The following LRMDA variants were observed in gnomAD, a reference collection of about 807,000 sequenced individuals.
LRMDA encodes the protein leucine rich melanocyte differentiation associated.
A neutral mutation model predicts 29.8 loss-of-function variants in LRMDA; 18 were observed. That is an observed-to-expected ratio of 0.60 (90% CI 0.42 to 0.90). The LOEUF (loss-of-function observed/expected upper bound fraction) is 0.90. LRMDA is among the 40% of genes least tolerant of loss of function. The pLI, the probability that LRMDA is intolerant of heterozygous loss-of-function variation, is 0.00. For synonymous variants in LRMDA, 125 were observed against 109.4 expected (o/e 1.14, Z -0.89); for missense variants, 273 against 273.9 (o/e 1.00, Z 0.02).
At chr10:76,156,589 C>T (rs1410330850) in intron 5 of LRMDA, among the ~76,000 whole-genome samples, 1 of 151,990 alleles carries the variant, frequency 6.6e-6, no homozygotes, top group Non-Finnish European at 1.5e-5. Context: ...GCTTAACCAA[C>T]ATTCACAGAC....
chr10:76,198,349 T>TG (rs1288038832), intron 5 of LRMDA, among the ~76,000 whole-genome samples: 1 of 152,244 alleles, frequency 6.6e-6, no homozygotes, highest in East Asian at 1.9e-4. Context: ...AGAAGGCCAG[T>TG]GGGCCGCACT....
intron 2 of LRMDA, among the ~76,000 whole-genome samples, chr10:75,937,028 G>A (rs1203459073): frequency 6.6e-6 from 1 of 151,986 alleles, no homozygotes; most frequent in African/African-American, 2.4e-5. Context: ...TGTTTACTGG[G>A]TAAAAATGAT....
chr10:76,072,103 T>C (rs1343377070), intron 5 of LRMDA, among the ~76,000 whole-genome samples: 4 of 152,222 alleles, frequency 2.6e-5, no homozygotes, highest in Non-Finnish European at 5.9e-5. Context: ...ATGTAATAAA[T>C]ACTTACAGCA....
chr10:75,960,986 C>G (rs1846755167), intron 2 of LRMDA, among the ~76,000 whole-genome samples: 1 of 152,132 alleles, frequency 6.6e-6, no homozygotes, highest in South Asian at 2.1e-4. Context: ...ATCCTAGGGA[C>G]AGATTTGTCA....
intron 2 of LRMDA, among the ~76,000 whole-genome samples, chr10:75,662,362 G>A (rs1841765186): frequency 1.3e-5 from 2 of 152,118 alleles, no homozygotes; most frequent in Non-Finnish European, 2.9e-5. Flanking sequence ...TACAGGTTTC[G>A]TTATTGGTAA....
chr10:76,022,358 G>A (rs893691815), intron 2 of LRMDA, among the ~76,000 whole-genome samples: 1 of 152,182 alleles, frequency 6.6e-6, no homozygotes, highest in Non-Finnish European at 1.5e-5. Context: ...TTGACTCATG[G>A]GCACAGCTAG....
At chr10:75,656,632 G>C (rs529616725) in intron 2 of LRMDA, among the ~76,000 whole-genome samples, 1 of 152,084 alleles carries the variant, frequency 6.6e-6, no homozygotes, top group Non-Finnish European at 1.5e-5. Context: ...ATGCCCTGCC[G>C]TTCATTTCCT....
chr10:75,791,582 A>C (rs911412778), intron 2 of LRMDA, among the ~76,000 whole-genome samples: 1 of 152,214 alleles, frequency 6.6e-6, no homozygotes, highest in Non-Finnish European at 1.5e-5. Context: ...CTCCACAGAA[A>C]AGTCAAATTC....
chr10:75,498,873 C>T (rs901898852), intron 2 of LRMDA, among the ~76,000 whole-genome samples: 1 of 152,088 alleles, frequency 6.6e-6, no homozygotes, highest in Admixed American at 6.5e-5. Context: ...CACGAATCCT[C>T]TCCGTCTCAG....
chr10:75,924,150 T>C (rs1383301117), intron 2 of LRMDA, among the ~76,000 whole-genome samples: 2 of 152,226 alleles, frequency 1.3e-5, no homozygotes, highest in Non-Finnish European at 2.9e-5. Context: ...AAGATTCAGC[T>C]TGACTTCAGA....
chr10:75,491,937 AC>A (rs1300597042), intron 2 of LRMDA, among the ~76,000 whole-genome samples: 1 of 152,232 alleles, frequency 6.6e-6, no homozygotes, highest in Admixed American at 6.5e-5. Flanking sequence ...TGATATCCTT[AC>A]TATATAAACA....
intron 5 of LRMDA, among the ~76,000 whole-genome samples, chr10:76,111,091 T>A (rs1443888032): frequency 6.6e-6 from 1 of 152,180 alleles, no homozygotes; most frequent in Non-Finnish European, 1.5e-5. Context: ...CTAAATCAAC[T>A]TTGTCCTTCT....
intron 5 of LRMDA, among the ~76,000 whole-genome samples, chr10:76,176,546 C>T (rs79866839): frequency 0.016 from 2,496 of 152,332 alleles, 29 homozygotes; most frequent in Non-Finnish European, 0.025. Context: ...GCAATCTCAG[C>T]ACTTTGCGAG....
intron 5 of LRMDA, among the ~76,000 whole-genome samples, chr10:76,310,964 C>T (rs942842878): frequency 1.3e-5 from 2 of 152,104 alleles, no homozygotes; most frequent in African/African-American, 4.8e-5. Flanking sequence ...GTTCATTTGC[C>T]TCTTGCAAAG....
At chr10:75,616,604 A>G (rs1454295701) in intron 2 of LRMDA, among the ~76,000 whole-genome samples, 2 of 152,146 alleles carry the variant, frequency 1.3e-5, no homozygotes, top group African/African-American at 4.8e-5. Context: ...AACTTTAAAC[A>G]TGTTTTGTAT....
chr10:75,455,302 A>G (rs531149246), intron 2 of LRMDA, among the ~76,000 whole-genome samples: 1 of 152,340 alleles, frequency 6.6e-6, no homozygotes, highest in East Asian at 1.9e-4. Flanking sequence ...TTGTAGATAC[A>G]TAGGTATTGT....
At chr10:75,695,146 G>T (rs1260499744) in intron 2 of LRMDA, among the ~76,000 whole-genome samples, 1 of 152,120 alleles carries the variant, frequency 6.6e-6, no homozygotes, top group African/African-American at 2.4e-5. Flanking sequence ...TAAGACAGGG[G>T]TGGGTGGTGT....
intron 5 of LRMDA, among the ~76,000 whole-genome samples, chr10:76,298,366 T>C (rs1488489349): frequency 2.6e-5 from 4 of 152,186 alleles, no homozygotes; most frequent in Non-Finnish European, 5.9e-5. Flanking sequence ...CCAAGCAGCA[T>C]TGGAGAGGAA....
chr10:76,153,483 T>A (rs1301174283), intron 5 of LRMDA, among the ~76,000 whole-genome samples: 1 of 152,138 alleles, frequency 6.6e-6, no homozygotes, highest in East Asian at 1.9e-4. Context: ...TAAGTTTGGA[T>A]TTTGTATATG....
Sources: allele counts gnomAD v4.1 joint callset (sites outside exome capture counted in the v4.1 genomes callset), GRCh38; gene constraint gnomAD v4.1.1; transcripts MANE v1.5; gene names NCBI Gene and HGNC (gene_info 2026-07-23, HGNC 2026-07-21).